Variants in EFNA5 observed in about 807,000 individuals in gnomAD.
EFNA5 encodes ephrin A5.
Under a neutral mutation model 22.9 loss-of-function variants are expected in EFNA5, and 5 were observed. That is an observed-to-expected ratio of 0.22 (90% confidence interval 0.11 to 0.46). The LOEUF is 0.46. EFNA5 is among the 20% of genes least tolerant of loss of function. The probability of loss-of-function intolerance (pLI) is 0.99; values close to 1 mark genes in which losing one functional copy is unlikely to be tolerated. For synonymous variants in EFNA5, 113 were observed against 112.2 expected, an observed-to-expected ratio of 1.01 and a Z score of -0.04; for missense variants, 237 against 293.3, an observed-to-expected ratio of 0.81 and a Z score of 1.40.
At chr5:107,424,198 ATTTTTTTTT>A (rs70996959) in intron 2 of EFNA5, among the ~76,000 whole-genome samples, 60 of 95,706 alleles carry the variant, frequency 6.3e-4, no homozygotes, top group Non-Finnish European at 4.6e-4. Flanking sequence ...TCTTTCTTTC[ATTTTTTTTT>A]TTTTTTTTTT....
At chr5:107,640,473 C>T (rs1175502368) in intron 1 of EFNA5, among the ~76,000 whole-genome samples, 1 of 152,176 alleles carries the variant, frequency 6.6e-6, no homozygotes, top group Non-Finnish European at 1.5e-5. Context: ...AGTTCATAAT[C>T]GTGACATTAT....
intron 2 of EFNA5, among the ~76,000 whole-genome samples, chr5:107,402,504 T>A (rs1748112557): frequency 6.6e-6 from 1 of 152,240 alleles, no homozygotes; most frequent in African/African-American, 2.4e-5. Context: ...CTGAAAGATG[T>A]AAACACTGCA....
intron 1 of EFNA5, among the ~76,000 whole-genome samples, chr5:107,536,629 C>T (rs538224902): frequency 6.6e-6 from 1 of 152,306 alleles, no homozygotes; most frequent in African/African-American, 2.4e-5. Context: ...TGTCCAAATT[C>T]TTAAGGCAGA....
At chr5:107,546,232 G>A (rs911650030) in intron 1 of EFNA5, among the ~76,000 whole-genome samples, 2 of 152,128 alleles carry the variant, frequency 1.3e-5, no homozygotes, top group African/African-American at 2.4e-5. Flanking sequence ...TGTAGGGGCC[G>A]CCCTCCTAGC....
chr5:107,392,970 A>G (rs1747829060), intron 2 of EFNA5, among the ~76,000 whole-genome samples: 3 of 152,222 alleles, frequency 2.0e-5, no homozygotes, highest in Admixed American at 2.0e-4. Context: ...CAGTATTAAA[A>G]AGTGTTTTTC....
At chr5:107,461,482 A>G (rs1749833127) in intron 1 of EFNA5, among the ~76,000 whole-genome samples, 1 of 152,074 alleles carries the variant, frequency 6.6e-6, no homozygotes, top group African/African-American at 2.4e-5. Flanking sequence ...GACATTAAAT[A>G]TAGAGGGGGG....
At chr5:107,454,004 C>A (rs531610309) in intron 1 of EFNA5, among the ~76,000 whole-genome samples, 1 of 152,004 alleles carries the variant, frequency 6.6e-6, no homozygotes. Context: ...GAATGAATGC[C>A]AGATCAATAT....
At chr5:107,454,013 A>G (rs867318301) in intron 1 of EFNA5, among the ~76,000 whole-genome samples, 6 of 152,212 alleles carry the variant, frequency 3.9e-5, no homozygotes, top group Middle Eastern at 6.8e-3. Context: ...CCAGATCAAT[A>G]TTAACCCACT....
At chr5:107,573,633 T>A (rs2112488762) in intron 1 of EFNA5, among the ~76,000 whole-genome samples, 1 of 152,290 alleles carries the variant, frequency 6.6e-6, no homozygotes, top group East Asian at 1.9e-4. Flanking sequence ...GCGGCTTTTA[T>A]TCACCACTTC....
intron 1 of EFNA5, among the ~76,000 whole-genome samples, chr5:107,456,785 A>T (rs553177852): frequency 6.6e-6 from 1 of 152,176 alleles, no homozygotes; most frequent in South Asian, 2.1e-4. Flanking sequence ...CCCTTGTTCA[A>T]TATGGCCATA....
chr5:107,664,337 ATGAC>A (rs66812166), intron 1 of EFNA5, among the ~76,000 whole-genome samples: 42,204 of 151,744 alleles, frequency 0.28, 6,082 homozygotes, highest in East Asian at 0.55. Flanking sequence ...GTGCTCCTTT[ATGAC>A]TGACTAAATT....
chr5:107,386,631 T>C (rs1000772438), intron 4 of EFNA5, among the ~76,000 whole-genome samples: 28 of 152,188 alleles, frequency 1.8e-4, no homozygotes, highest in African/African-American at 5.1e-4. Flanking sequence ...TACTGGTACA[T>C]TTGTGGCACA....
rs553744497 is a variant in EFNA5 at position 107,599,597 on chromosome 5, T to C, written c.125+70892A>G. Among the ~76,000 whole-genome samples the C allele has an allele frequency of 3.3e-5, 5 of 152,276 alleles. No individual in the cohort carries two copies. In the South Asian group the frequency reaches 6.2e-4, roughly 19 times the overall value. On this transcript the variant is annotated intron_variant, in intron 1 of 4. Coordinates refer to ENST00000333274, the MANE Select transcript of EFNA5 (RefSeq NM_001962.3). ...ATTAACTACTAAAAAGTAAAATAAA[T>C]AGATCTACAGCCAATTAGAAATCGA...
chr5:107,529,688 AAC>A (rs1305545148), intron 1 of EFNA5, among the ~76,000 whole-genome samples: 3 of 152,176 alleles, frequency 2.0e-5, no homozygotes, highest in African/African-American at 7.2e-5. Context: ...CTGTTTTAGT[AAC>A]ACACCACCTT....
rs76701200 is a variant in EFNA5, at chr5:107,446,187, T to A, written c.126-18678A>T. Among the ~76,000 whole-genome samples, 846 of 152,284 alleles carry A rather than the reference T, an allele frequency of 5.6e-3. 7 individuals carry two copies. Among genetic ancestry groups the A allele is most frequent in the African/African-American group, 0.019 (804 of 41,576 alleles). ...ATAAACTAAATGAACAAATAAATGA[T>A]GACTAAAAGTACAGTGCTTTGTACA... On this transcript the variant is annotated intron_variant, in intron 1 of 4. Transcript: ENST00000333274.
At chr5:107,630,733 A>G (rs947387909) in intron 1 of EFNA5, among the ~76,000 whole-genome samples, 3 of 152,160 alleles carry the variant, frequency 2.0e-5, no homozygotes, top group Non-Finnish European at 4.4e-5. Flanking sequence ...TTTACTTTAT[A>G]AACTTTTCAT....
At position 107,670,814 on chromosome 5, in the gene EFNA5, T is replaced by G. The variant is rs2112567928; in HGVS notation, c.-201A>C. On this transcript the variant is annotated 5_prime_UTR_variant, in exon 1 of 5. Coordinates refer to ENST00000333274, the MANE Select transcript of EFNA5 (RefSeq NM_001962.3). Reference sequence around the variant, plus strand: ...GGAGAGCGAGAAGAAAAGAAGGCGGTGGGATGGGGGGTGATAAAGACAAAC... The same window carrying G: ...GGAGAGCGAGAAGAAAAGAAGGCGGGGGGATGGGGGGTGATAAAGACAAAC... 3 of 648,692 alleles carry G rather than the reference T, an allele frequency of 4.6e-6. No individual in the cohort carries two copies. The highest frequency in any genetic ancestry group is 7.7e-6 in the Non-Finnish European group (3 of 391,100). 40.2% of individuals were successfully genotyped at this position (648,692 alleles called of 1,614,324 possible).
intron 1 of EFNA5, among the ~76,000 whole-genome samples, chr5:107,528,044 G>A (rs1747733857): frequency 1.3e-5 from 2 of 152,228 alleles, no homozygotes; most frequent in African/African-American, 4.8e-5. Context: ...AAGAAACAGT[G>A]TCAAGTCACT....
intron 1 of EFNA5, among the ~76,000 whole-genome samples, chr5:107,642,964 T>C (rs1330272272): frequency 6.7e-6 from 1 of 150,272 alleles, no homozygotes; most frequent in Non-Finnish European, 1.5e-5. Flanking sequence ...ATCTAGACGA[T>C]CTTGAAGGCC....
Sources: gnomAD v4.1 joint callset for allele counts (sites outside exome capture counted in the v4.1 genomes callset) on GRCh38, gnomAD v4.1.1 for gene constraint, MANE v1.5 for transcripts, NCBI Gene and HGNC (gene_info 2026-07-23, HGNC 2026-07-21) for gene names.